The following SGK1 variants were observed in gnomAD, a reference collection of about 807,000 sequenced individuals.
The protein encoded by SGK1 is serum/glucocorticoid regulated kinase 1.
In SGK1, 26 loss-of-function variants were observed where a neutral mutation model predicts 64.2. That is an observed-to-expected ratio of 0.40 (90% CI 0.30 to 0.56). SGK1 has a LOEUF of 0.56. SGK1 is among the 20% of genes least tolerant of loss of function. The pLI, the probability that SGK1 is intolerant of heterozygous loss-of-function variation, is 0.38. For synonymous variants in SGK1, 265 were observed against 239.7 expected (o/e 1.11, Z -0.98); for missense variants, 519 against 645.6 (o/e 0.80, Z 2.12).
At chr6:134,181,640 C>T (rs892865142) in intron 3 of SGK1, among the ~76,000 whole-genome samples, 13 of 151,468 alleles carry the variant, frequency 8.6e-5, no homozygotes, top group African/African-American at 2.4e-4. Flanking sequence ...CCACCATGCC[C>T]GGCCCAAGTC....
chr6:134,290,075 G>A (rs974419049), intron 1 of SGK1, among the ~76,000 whole-genome samples: 12 of 148,922 alleles, frequency 8.1e-5, no homozygotes, highest in Admixed American at 5.4e-4. Flanking sequence ...GTTTGAACCC[G>A]TGAGGGGGAG....
chr6:134,289,934 A>G (rs1047819333), intron 1 of SGK1, among the ~76,000 whole-genome samples: 3 of 152,068 alleles, frequency 2.0e-5, no homozygotes, highest in Non-Finnish European at 4.4e-5. Context: ...GGATCACATG[A>G]GATCAAGAGT....
intron 2 of SGK1, among the ~76,000 whole-genome samples, chr6:134,243,407 T>C (rs1470277644): frequency 1.3e-5 from 2 of 152,210 alleles, no homozygotes; most frequent in Non-Finnish European, 2.9e-5. Context: ...TTCCCTCTTG[T>C]TGCCCAGGCT....
intron 3 of SGK1, among the ~76,000 whole-genome samples, chr6:134,197,898 A>AAATAT (rs1045447838): frequency 3.1e-5 from 1 of 32,638 alleles, no homozygotes; most frequent in African/African-American, 8.9e-5. Flanking sequence ...AAATAAAATA[A>AAATAT]AATATAAAAT....
At chr6:134,248,227 T>G (rs1165868526) in intron 2 of SGK1, among the ~76,000 whole-genome samples, 1 of 152,092 alleles carries the variant, frequency 6.6e-6, no homozygotes, top group African/African-American at 2.4e-5. Flanking sequence ...TCAGCTAGAT[T>G]AACTTCCCAA....
intron 1 of SGK1, among the ~76,000 whole-genome samples, chr6:134,289,741 T>A (rs1225197021): frequency 1.3e-5 from 2 of 152,056 alleles, no homozygotes; most frequent in African/African-American, 4.8e-5. Flanking sequence ...ATAGGTCTCA[T>A]ATGTAGCAGA....
intron 1 of SGK1, among the ~76,000 whole-genome samples, chr6:134,310,599 G>T (rs752337012): frequency 6.6e-6 from 1 of 152,130 alleles, no homozygotes; most frequent in Admixed American, 6.6e-5. Context: ...TTGTTTGTTT[G>T]TTTTTTGAGA....
intron 1 of SGK1, among the ~76,000 whole-genome samples, chr6:134,289,892 T>C (rs867198552): frequency 6.6e-5 from 10 of 152,160 alleles, no homozygotes; most frequent in Middle Eastern, 3.4e-3. Flanking sequence ...TTCATGCTTG[T>C]AATCCCAGCA....
At chr6:134,297,645 G>A in intron 1 of SGK1, 2 of 437,982 alleles carry the variant, frequency 4.6e-6, no homozygotes, top group Non-Finnish European at 4.3e-6. Context: ...TGCAATTACA[G>A]GCGTGCACCA....
At chr6:134,212,912 A>T (rs1438148159) in intron 2 of SGK1, among the ~76,000 whole-genome samples, 1 of 152,190 alleles carries the variant, frequency 6.6e-6, no homozygotes, top group Non-Finnish European at 1.5e-5. Flanking sequence ...TGCCATTCTT[A>T]CAGATCTCAT....
At chr6:134,298,313 G>T in intron 1 of SGK1, 1 of 1,569,524 alleles carries the variant, frequency 6.4e-7, no homozygotes, top group Non-Finnish European at 8.7e-7. Context: ...GCTGTCTTCT[G>T]CTGCTGCAGG....
intron 9 of SGK1, 152 bp downstream of exon 9, chr6:134,172,510 G>T: frequency 1.3e-6 from 1 of 777,922 alleles, no homozygotes; most frequent in Non-Finnish European, 2.1e-6. Context: ...TTCCCCCTTG[G>T]CACTTAAGTC....
chr6:134,302,776 A>G (rs568301135), intron 1 of SGK1, among the ~76,000 whole-genome samples: 2 of 152,024 alleles, frequency 1.3e-5, no homozygotes, highest in South Asian at 4.1e-4. Flanking sequence ...TTATTTTGAG[A>G]CAGAGTCTCA....
At chr6:134,202,280 G>A (rs573297376) in intron 3 of SGK1, among the ~76,000 whole-genome samples, 1 of 152,212 alleles carries the variant, frequency 6.6e-6, no homozygotes, top group Admixed American at 6.5e-5. Context: ...ATGAAATAAA[G>A]GTATTTCCAT....
chr6:134,187,427 C>T (rs565506465), intron 3 of SGK1, among the ~76,000 whole-genome samples: 1 of 150,654 alleles, frequency 6.6e-6, no homozygotes, highest in East Asian at 1.9e-4. Context: ...CCATTTCCAC[C>T]CCTTCCACCC....
intron 1 of SGK1, among the ~76,000 whole-genome samples, chr6:134,282,617 C>CACTCCAGCCTGGG: frequency 6.6e-6 from 1 of 150,884 alleles, no homozygotes; most frequent in East Asian, 1.9e-4. Context: ...CACACCACCG[C>CACTCCAGCCTGGG]ACTCCAGCCT....
At chr6:134,173,740 ACAGTCATGTTGTTT>A in intron 5 of SGK1, 174 bp from the exon 6 acceptor site, 1 of 609,256 alleles carries the variant, frequency 1.6e-6, no homozygotes, top group Non-Finnish European at 2.8e-6. Context: ...GAAACTGCAC[ACAGTCATGTTGTTT>A]CAGACAGATA....
intron 1 of SGK1, among the ~76,000 whole-genome samples, chr6:134,273,492 C>A (rs1190590528): frequency 2.1e-5 from 3 of 142,780 alleles, no homozygotes; most frequent in African/African-American, 7.7e-5. Flanking sequence ...ACTTGGGAGG[C>A]TGAGGCAGGA....
chr6:134,197,852 A>AT (rs1412195528), intron 3 of SGK1, among the ~76,000 whole-genome samples: 20 of 144,346 alleles, frequency 1.4e-4, no homozygotes, highest in Non-Finnish European at 2.2e-4. Context: ...ATAAAATAAA[A>AT]TAAAATTAAA....
Sources: gnomAD v4.1 joint callset for allele counts (sites outside exome capture counted in the v4.1 genomes callset) on GRCh38, gnomAD v4.1.1 for gene constraint, MANE v1.5 for transcripts, NCBI Gene and HGNC (gene_info 2026-07-23, HGNC 2026-07-21) for gene names.